The following COL22A1 variants were observed in gnomAD, a reference collection of about 807,000 sequenced individuals.
COL22A1 encodes the protein collagen alpha-1(XXII) chain.
COL22A1 carries 221 observed loss-of-function variants against 248.9 expected under a neutral mutation model. The ratio of observed to expected loss-of-function variants is 0.89; its 90% CI spans 0.80 to 0.99. The LOEUF (loss-of-function observed/expected upper bound fraction) is 0.99. Ranked by LOEUF, COL22A1 falls within the 50% of genes least tolerant of loss-of-function variation. The pLI is 0.00. For missense variants in COL22A1, 2,240 were observed against 2,179.0 expected, an observed-to-expected ratio of 1.03 and a Z score of -0.56; for synonymous variants, 891 against 793.4, an observed-to-expected ratio of 1.12 and a Z score of -2.07.
At chr8:138,808,793 C>T (rs1817939220) in intron 9 of COL22A1, among the ~76,000 whole-genome samples, 1 of 152,232 alleles carries the variant, frequency 6.6e-6, no homozygotes, top group South Asian at 2.1e-4. Context: ...AATGCATTCA[C>T]AGATGTCATT....
At chr8:138,724,716 C>T (rs1343094880) in intron 24 of COL22A1, 48 bp from the exon 25 acceptor site, 1 of 1,574,578 alleles carries the variant, frequency 6.4e-7, no homozygotes, top group Non-Finnish European at 8.7e-7. Flanking sequence ...GTTCAGAGAT[C>T]AGATCATTGA....
Position 138,735,937 on chromosome 8 carries a change from G to A in COL22A1, c.2139+1587C>T, listed in dbSNP as rs116906996. 2.6e-3 allele frequency among the ~76,000 whole-genome samples: 401 copies of A among 152,254 alleles called. 11 individuals carry two copies. In the East Asian group the frequency reaches 0.068, roughly 26 times the overall value. Reference sequence around the variant, plus strand: ...ACCCCGGGGAATCTGGTGTGGAGGTGGGGCTGTCCAGTCCCGAGTGGTGCT... The same window carrying A: ...ACCCCGGGGAATCTGGTGTGGAGGTAGGGCTGTCCAGTCCCGAGTGGTGCT... On this transcript the variant is annotated intron_variant, in intron 23 of 64. Coordinates refer to ENST00000303045, the MANE Select transcript of COL22A1 (RefSeq NM_152888.3).
chr8:138,796,913 T>G, intron 11 of COL22A1, 56 bp from the exon 12 acceptor site: 1 of 1,122,190 alleles, frequency 8.9e-7, no homozygotes, highest in Non-Finnish European at 1.4e-6. Flanking sequence ...TGGCATGACA[T>G]TGCAAATGGC....
chr8:138,671,254 A>G (rs1824999878), intron 41 of COL22A1, among the ~76,000 whole-genome samples: 1 of 152,222 alleles, frequency 6.6e-6, no homozygotes, highest in Non-Finnish European at 1.5e-5. Flanking sequence ...ATCATTTAGT[A>G]TCATAAAATA....
intron 3 of COL22A1, among the ~76,000 whole-genome samples, chr8:138,850,109 G>C (rs1314051340): frequency 6.6e-6 from 1 of 152,076 alleles, no homozygotes; most frequent in Non-Finnish European, 1.5e-5. Flanking sequence ...GACAACTCAG[G>C]GTTCAGACAT....
chr8:138,900,564 A>G (rs1814473529), intron 1 of COL22A1, among the ~76,000 whole-genome samples: 1 of 152,232 alleles, frequency 6.6e-6, no homozygotes, highest in South Asian at 2.1e-4. Context: ...TTTCTCTCCC[A>G]GTTGCTAGAA....
chr8:138,898,152 G>A (rs1814265720), intron 1 of COL22A1, among the ~76,000 whole-genome samples: 1 of 152,122 alleles, frequency 6.6e-6, no homozygotes, highest in Admixed American at 6.6e-5. Flanking sequence ...TTCAATATAT[G>A]AATTTCAGAG....
chr8:138,716,347 T>C (rs754425557), intron 28 of COL22A1, 58 bp from the exon 29 acceptor site: 3 of 1,219,290 alleles, frequency 2.5e-6, no homozygotes, highest in Non-Finnish European at 3.5e-6. Context: ...GGGGCCAAGC[T>C]GCAGGCCATG....
chr8:138,804,063 C>G (rs999195679), intron 10 of COL22A1, among the ~76,000 whole-genome samples: 3 of 152,192 alleles, frequency 2.0e-5, no homozygotes, highest in Admixed American at 6.5e-5. Context: ...TATCCTGACT[C>G]TCTTCATACT....
In COL22A1 at chr8:138,776,706, C is replaced by T. The variant is rs1259000118; in HGVS notation, c.1759-696G>A. Among the ~76,000 whole-genome samples, 3 of 152,070 alleles carry T rather than the reference C, an allele frequency of 2.0e-5. No homozygotes were observed. In the East Asian group the frequency reaches 5.8e-4, roughly 29 times the overall value. ...TGATAATACTCAGCCCTGAACGCTGCATTTTCTGCCTCCCCCAGGTAGAAT... is the reference window on the plus strand; with the variant it reads ...TGATAATACTCAGCCCTGAACGCTGTATTTTCTGCCTCCCCCAGGTAGAAT... On this transcript the variant is annotated intron_variant, in intron 15 of 64. Coordinates refer to ENST00000303045, the MANE Select transcript of COL22A1 (RefSeq NM_152888.3).
intron 49 of COL22A1, among the ~76,000 whole-genome samples, chr8:138,631,331 T>C (rs1260841465): frequency 6.6e-6 from 1 of 152,206 alleles, no homozygotes; most frequent in Admixed American, 6.5e-5. Flanking sequence ...GGCTGAGCTA[T>C]TCTCTGGGAA....
rs1242215224 is a variant in COL22A1, at chr8:138,598,786, A to G, written c.4298T>C (p.Leu1433Pro). 1 of 1,614,008 alleles carries G rather than the reference A, an allele frequency of 6.2e-7. No individual in the cohort carries two copies. The highest frequency in any genetic ancestry group is 8.5e-7 in the Non-Finnish European group (1 of 1,179,998). Residue 1433 changes from leucine (L) to proline (P), a missense_variant, in exon 61 of 65, where the codon CTA (leucine) becomes CCA (proline). Transcript: ENST00000303045. ...TCCAACTGGTCCATTCTCCCCAGGT[A>G]GTCCTTGGGGACCCATCAGGCCTGT... ...GHTGLMGPQG[L>P]PGENGPVGPP...
intron 7 of COL22A1, among the ~76,000 whole-genome samples, chr8:138,819,371 A>G (rs1256943156): frequency 2.0e-5 from 3 of 152,056 alleles, no homozygotes; most frequent in Non-Finnish European, 2.9e-5. Context: ...CAGGCAAAGG[A>G]TATGGCCTAG....
chr8:138,762,609 C>CCCACACA, intron 16 of COL22A1, 143 bp from the exon 17 acceptor site: 2 of 639,646 alleles, frequency 3.1e-6, no homozygotes, highest in Non-Finnish European at 2.8e-6. Flanking sequence ...CACACACACA[C>CCCACACA]AACAGCCCTA....
At chr8:138,792,621 C>T (rs1292885196) in intron 12 of COL22A1, among the ~76,000 whole-genome samples, 1 of 152,234 alleles carries the variant, frequency 6.6e-6, no homozygotes, top group Non-Finnish European at 1.5e-5. Flanking sequence ...AACTGATCCT[C>T]ATACTTGGAG....
intron 45 of COL22A1, among the ~76,000 whole-genome samples, chr8:138,655,249 G>C (rs943565217): frequency 1.3e-5 from 2 of 152,236 alleles, no homozygotes; most frequent in East Asian, 3.8e-4. Flanking sequence ...TCCAAATAAT[G>C]TTCTGCTCTA....
intron 3 of COL22A1, 89 bp downstream of exon 3, chr8:138,877,661 G>A: frequency 7.5e-7 from 1 of 1,325,982 alleles, no homozygotes; most frequent in Non-Finnish European, 1.0e-6. Context: ...GCCGGCCGTA[G>A]GATCCCTATC....
intron 35 of COL22A1, 143 bp downstream of exon 35, chr8:138,693,503 C>T: frequency 2.5e-6 from 2 of 795,472 alleles, no homozygotes; most frequent in Non-Finnish European, 4.2e-6. Context: ...TGCTGACTCC[C>T]ACCAACCACT....
At chr8:138,672,475 A>C (rs1225395886) in intron 41 of COL22A1, among the ~76,000 whole-genome samples, 4 of 152,164 alleles carry the variant, frequency 2.6e-5, no homozygotes, top group Non-Finnish European at 5.9e-5. Flanking sequence ...ATTTGTTTGC[A>C]CATAACGGGG....
Sources: allele counts gnomAD v4.1 joint callset (sites outside exome capture counted in the v4.1 genomes callset), GRCh38; gene constraint gnomAD v4.1.1; transcripts MANE v1.5; gene names NCBI Gene and HGNC (gene_info 2026-07-23, HGNC 2026-07-21).